The following TUBGCP3 variants were observed in gnomAD, a reference collection of about 807,000 sequenced individuals.
The protein encoded by TUBGCP3 is gamma-tubulin complex component 3.
In TUBGCP3, 50 loss-of-function variants were observed where a neutral mutation model predicts 123.1. The observed-to-expected ratio is 0.41, with a 90% CI of 0.32 to 0.51. TUBGCP3 has a LOEUF of 0.51. Among genes scored for constraint, TUBGCP3 ranks in the 20% least tolerant of loss-of-function variants. TUBGCP3 has a pLI of 0.36. For missense variants in TUBGCP3, 882 were observed against 1,127.0 expected, an observed-to-expected ratio of 0.78 and a Z score of 3.11; for synonymous variants, 405 against 413.9, an observed-to-expected ratio of 0.98 and a Z score of 0.26.
chr13:112,504,541 CATACACATAT>C, intron 18 of TUBGCP3, 75 bp downstream of exon 18: 1 of 929,712 alleles, frequency 1.1e-6, no homozygotes, highest in Non-Finnish European at 1.6e-6. Flanking sequence ...TACACACATA[CATACACATAT>C]ATATATATAT....
chr13:112,562,786 C>A (rs956353838), intron 3 of TUBGCP3, among the ~76,000 whole-genome samples: 1 of 152,230 alleles, frequency 6.6e-6, no homozygotes, highest in Admixed American at 6.5e-5. Context: ...AAACTGTGCA[C>A]AAACTGAATT....
Position 112,549,264 on chromosome 13 carries a change from T to C in TUBGCP3, c.967-1088A>G, listed in dbSNP as rs1879341526. Among the ~76,000 whole-genome samples, 3 of 148,836 alleles carry C rather than the reference T, an allele frequency of 2.0e-5. No individual in the cohort carries two copies. The South Asian group carries it at 6.4e-4, about 32-fold the overall frequency. On this transcript the variant is annotated intron_variant, in intron 8 of 21. Coordinates refer to ENST00000261965, the MANE Select transcript of TUBGCP3 (RefSeq NM_006322.6). ...AAAACAAAACACCGCATGTTCTCAC[T>C]CACAGGTGGGAATTGAACAATGAGA...
chr13:112,535,379 G>A (rs1251870976), intron 11 of TUBGCP3, among the ~76,000 whole-genome samples: 1 of 152,128 alleles, frequency 6.6e-6, no homozygotes, highest in Non-Finnish European at 1.5e-5. Context: ...GCTTTCCAGA[G>A]GGGCTGCACC....
chr13:112,598,106 T>C, the TUBGCP3 span, among the ~76,000 whole-genome samples: 1 of 152,082 alleles, frequency 6.6e-6, no homozygotes, highest in Admixed American at 6.6e-5. Flanking sequence ...ATAGTTGATA[T>C]TTCAGCAGAA....
chr13:112,488,877 C>T, intron 21 of TUBGCP3, among the ~76,000 whole-genome samples: 1 of 145,634 alleles, frequency 6.9e-6, no homozygotes, highest in African/African-American at 2.6e-5. Flanking sequence ...CCACACCCAC[C>T]ACAGGGGAGC....
At chr13:112,510,428 G>C (rs1348131740) in intron 17 of TUBGCP3, among the ~76,000 whole-genome samples, 1 of 152,152 alleles carries the variant, frequency 6.6e-6, no homozygotes, top group Non-Finnish European at 1.5e-5. Flanking sequence ...GTATTTAAAA[G>C]TGACCTTATC....
At chr13:112,514,318 C>T (rs1875891596) in intron 17 of TUBGCP3, among the ~76,000 whole-genome samples, 1 of 151,804 alleles carries the variant, frequency 6.6e-6, no homozygotes, top group African/African-American at 2.4e-5. Flanking sequence ...TAGAATATAT[C>T]CCCTGTAGAT....
intron 2 of TUBGCP3, among the ~76,000 whole-genome samples, chr13:112,568,893 A>G (rs1189225442): frequency 2.0e-5 from 3 of 152,196 alleles, no homozygotes; most frequent in Non-Finnish European, 2.9e-5. Context: ...CACCAACCAA[A>G]AGCTAACAAA....
chr13:112,543,358 A>T (rs1878688068), intron 11 of TUBGCP3, among the ~76,000 whole-genome samples: 1 of 152,242 alleles, frequency 6.6e-6, no homozygotes, highest in African/African-American at 2.4e-5. Flanking sequence ...TTTTATTTTA[A>T]AAGAAAGTTC....
the TUBGCP3 span, among the ~76,000 whole-genome samples, chr13:112,602,333 C>T: frequency 6.9e-4 from 105 of 152,200 alleles, no homozygotes; most frequent in African/African-American, 2.4e-3. Context: ...AGCGCTTATT[C>T]CCCTTCTGCT....
chr13:112,551,288 G>C (rs755397992), intron 8 of TUBGCP3, among the ~76,000 whole-genome samples: 28 of 152,234 alleles, frequency 1.8e-4, no homozygotes, highest in Non-Finnish European at 2.5e-4. Context: ...GGTTAGCAGA[G>C]GCTGTTTCCA....
At chr13:112,487,073 GTGTGTGTGTC>G (rs1879731744) in intron 21 of TUBGCP3, among the ~76,000 whole-genome samples, 1 of 147,908 alleles carries the variant, frequency 6.8e-6, no homozygotes, top group Non-Finnish European at 1.5e-5. Context: ...GTGTGTGTGT[GTGTGTGTGTC>G]TGTGTGTGTG....
rs575574909 is a variant in TUBGCP3, at chr13:112,490,734, T to C, written c.2449-1037A>G. ...CAACCCAGATTTGTTTTTTCTCAGA[T>C]AGGGTATCAGCTTCGTGATTCTTCT... is the stretch of plus-strand genomic sequence containing the variant. On this transcript the variant is annotated intron_variant, in intron 20 of 21. Coordinates refer to ENST00000261965, the MANE Select transcript of TUBGCP3 (RefSeq NM_006322.6). 5.9e-5 allele frequency among the ~76,000 whole-genome samples: 9 copies of C among 152,372 alleles called. No individual in the cohort carries two copies. The South Asian group carries it at 1.9e-3, about 32-fold the overall frequency.
chr13:112,543,439 A>C (rs892879304), intron 11 of TUBGCP3, among the ~76,000 whole-genome samples: 5 of 152,216 alleles, frequency 3.3e-5, no homozygotes, highest in Admixed American at 6.5e-5. Flanking sequence ...AATCCCTATA[A>C]AAATTTTTAA....
intron 17 of TUBGCP3, among the ~76,000 whole-genome samples, chr13:112,510,139 G>T (rs889650183): frequency 6.6e-6 from 1 of 151,992 alleles, no homozygotes; most frequent in Admixed American, 6.6e-5. Context: ...ATCTCCTCCC[G>T]CTTGGGCAGC....
At chr13:112,549,859 G>A (rs1051213186) in intron 8 of TUBGCP3, among the ~76,000 whole-genome samples, 7 of 151,866 alleles carry the variant, frequency 4.6e-5, no homozygotes, top group African/African-American at 1.5e-4. Context: ...GCGTGTTGGC[G>A]GGTGCCTGTG....
At chr13:112,534,696 C>G (rs770297075) in intron 11 of TUBGCP3, among the ~76,000 whole-genome samples, 5 of 152,144 alleles carry the variant, frequency 3.3e-5, no homozygotes, top group Non-Finnish European at 7.3e-5. Context: ...GGAAGAAGAC[C>G]CGGGAAAGGA....
chr13:112,558,244 A>G lies in TUBGCP3; in HGVS notation c.500T>C (p.Leu167Pro), dbSNP rs199650411. Reference sequence around the variant, plus strand: ...AGGCGCGGGGCCACTGAGGGCACACAGGCCAATGCTGCTGATGCCACTGCT... The same window carrying G: ...AGGCGCGGGGCCACTGAGGGCACACGGGCCAATGCTGCTGATGCCACTGCT... ...VGSSGISSIG[L>P]CALSGPAPAP... The change falls in exon 5 of 22, where the codon CTG becomes CCG. Residue 167 changes from leucine to proline, a missense_variant. By Grantham distance (98) the Leu-to-Pro change is moderately conservative. This residue lies in a region of TUBGCP3 where 713 missense variants were observed against 874.0 expected (regional missense o/e 0.82). Transcript: ENST00000261965. 6.8e-6 allele frequency: 11 copies of G among 1,612,372 alleles called. No individual in the cohort carries two copies. The highest frequency in any genetic ancestry group is 5.9e-6 in the Non-Finnish European group (7 of 1,179,992).
At chr13:112,600,459 C>T in the TUBGCP3 span, among the ~76,000 whole-genome samples, 1 of 152,156 alleles carries the variant, frequency 6.6e-6, no homozygotes, top group Non-Finnish European at 1.5e-5. Context: ...GTTGTTCTGA[C>T]ATCATATCAA....
Sources: allele counts gnomAD v4.1 joint callset (sites outside exome capture counted in the v4.1 genomes callset), GRCh38; gene constraint gnomAD v4.1.1; regional missense constraint gnomAD v4.1.1; transcripts MANE v1.5; gene names NCBI Gene and HGNC (gene_info 2026-07-23, HGNC 2026-07-21).